Variants in NCAM2 observed in about 807,000 individuals in gnomAD.
NCAM2 encodes N-CAM-2.
A neutral mutation model predicts 98.1 loss-of-function variants in NCAM2; 30 were observed. The observed-to-expected ratio is 0.31, with a 90% CI of 0.23 to 0.41. NCAM2 has a LOEUF of 0.41. NCAM2 is among the 10% of genes least tolerant of loss of function. NCAM2 has a pLI of 1.00. For missense variants in NCAM2, 867 were observed against 1,005.8 expected (o/e 0.86, Z 1.87); for synonymous variants, 368 against 342.4 (o/e 1.07, Z -0.83).
chr21:21,346,986 C>A (rs1288635643), intron 8 of NCAM2, among the ~76,000 whole-genome samples: 1 of 151,316 alleles, frequency 6.6e-6, no homozygotes, highest in Non-Finnish European at 1.5e-5. Flanking sequence ...CAAGAGCAAA[C>A]CAAACACAAA....
chr21:21,057,116 G>A (rs929793676), intron 1 of NCAM2, among the ~76,000 whole-genome samples: 5 of 151,882 alleles, frequency 3.3e-5, no homozygotes, highest in Non-Finnish European at 7.4e-5. Context: ...AAAGACCTAG[G>A]GTGTCTAAAA....
intron 9 of NCAM2, among the ~76,000 whole-genome samples, chr21:21,409,262 T>C (rs1011641595): frequency 6.6e-5 from 10 of 152,154 alleles, no homozygotes; most frequent in Admixed American, 5.9e-4. Context: ...TTGTATGTTT[T>C]CACATTTAGA....
chr21:21,148,852 G>A (rs2067365324), intron 1 of NCAM2, among the ~76,000 whole-genome samples: 1 of 152,092 alleles, frequency 6.6e-6, no homozygotes, highest in Admixed American at 6.5e-5. Context: ...TAGAAATAGT[G>A]TCAGTCTAAA....
intron 1 of NCAM2, among the ~76,000 whole-genome samples, chr21:21,212,192 TACAAA>T: frequency 6.6e-6 from 1 of 152,270 alleles, no homozygotes; most frequent in East Asian, 1.9e-4. Context: ...AAATAAATTG[TACAAA>T]ATACATATCA....
chr21:21,046,228 T>A (rs977083844), intron 1 of NCAM2, among the ~76,000 whole-genome samples: 5 of 152,216 alleles, frequency 3.3e-5, no homozygotes, highest in African/African-American at 1.2e-4. Flanking sequence ...GTGAACTTGT[T>A]GGCAGCAAGG....
At chr21:21,425,040 CAAAAAAA>C (rs1192128472) in intron 11 of NCAM2, among the ~76,000 whole-genome samples, 63 of 43,842 alleles carry the variant, frequency 1.4e-3, no homozygotes, top group South Asian at 0.011. Context: ...CTTCCTCCTC[CAAAAAAA>C]AAAAAAAAAA....
intron 1 of NCAM2, among the ~76,000 whole-genome samples, chr21:21,127,915 C>A (rs985755412): frequency 2.0e-5 from 3 of 152,202 alleles, no homozygotes; most frequent in Admixed American, 2.0e-4. Flanking sequence ...AAATAACACA[C>A]AATTATATTA....
chr21:21,309,271 T>G (rs2073972535), intron 5 of NCAM2, among the ~76,000 whole-genome samples: 1 of 152,176 alleles, frequency 6.6e-6, no homozygotes, highest in African/African-American at 2.4e-5. Flanking sequence ...TTATCTGCTG[T>G]TTTTTTGTTT....
intron 2 of NCAM2, 147 bp from the exon 3 acceptor site, chr21:21,284,046 CT>C (rs1177766579): frequency 9.3e-5 from 60 of 643,390 alleles, no homozygotes; most frequent in African/African-American, 8.6e-4. Flanking sequence ...TTTGTGTTTA[CT>C]TTAAGTTTTG....
chr21:21,102,206 C>G (rs2066257156), intron 1 of NCAM2, among the ~76,000 whole-genome samples: 1 of 151,958 alleles, frequency 6.6e-6, no homozygotes, highest in African/African-American at 2.4e-5. Context: ...GCGTCATAGC[C>G]TCAACAAACC....
chr21:21,082,732 T>G lies in NCAM2; in HGVS notation c.55+84114T>G, dbSNP rs1324396488. Reference sequence around the variant, plus strand: ...TATGTTCATCTTTATGTCATGTGTTTTTATGTATTAGAACTGCCGTTTTCT... The same window carrying G: ...TATGTTCATCTTTATGTCATGTGTTGTTATGTATTAGAACTGCCGTTTTCT... On this transcript the variant is annotated intron_variant, in intron 1 of 17. Transcript: ENST00000400546. Among the ~76,000 whole-genome samples, 3 of 152,204 alleles carry G rather than the reference T, an allele frequency of 2.0e-5. No homozygotes were observed. The East Asian group carries it at 5.8e-4, about 29-fold the overall frequency.
intron 1 of NCAM2, among the ~76,000 whole-genome samples, chr21:21,220,125 TA>T (rs1055177425): frequency 2.6e-5 from 4 of 151,958 alleles, no homozygotes; most frequent in African/African-American, 9.7e-5. Context: ...CAATTAAAAA[TA>T]AAAATATTTT....
rs141532636 is a variant in NCAM2 at position 21,152,718 on chromosome 21, G to C, written c.56-127860G>C. The stretch of plus-strand genomic sequence containing the variant: ...ACTGTACTCTGCCTTAATGGAACTT[G>C]GAAATCTCTCAGCAACCTGAGTTCT... On this transcript the variant is annotated intron_variant, in intron 1 of 17. Transcript: ENST00000400546. Among the ~76,000 whole-genome samples the C allele has an allele frequency of 2.5e-3, 387 of 151,946 alleles. 1 individual carries two copies. The highest frequency in any genetic ancestry group is 8.9e-3 in the African/African-American group (371 of 41,500).
intron 8 of NCAM2, among the ~76,000 whole-genome samples, chr21:21,364,216 T>C (rs2148007673): frequency 6.6e-6 from 1 of 152,152 alleles, no homozygotes; most frequent in African/African-American, 2.4e-5. Context: ...TTTTGATGTT[T>C]CTTTCATGTT....
chr21:21,000,493 T>G (rs1261778676), intron 1 of NCAM2, among the ~76,000 whole-genome samples: 1 of 152,066 alleles, frequency 6.6e-6, no homozygotes, highest in Non-Finnish European at 1.5e-5. Context: ...GACATAAAAT[T>G]TGGATGTGTA....
chr21:21,083,800 T>C (rs1457287124), intron 1 of NCAM2, among the ~76,000 whole-genome samples: 1 of 152,196 alleles, frequency 6.6e-6, no homozygotes, highest in Non-Finnish European at 1.5e-5. Flanking sequence ...TTTTATATAC[T>C]TTGCCCAGTT....
chr21:21,010,241 T>C (rs1416935902), intron 1 of NCAM2, among the ~76,000 whole-genome samples: 1 of 152,062 alleles, frequency 6.6e-6, no homozygotes, highest in Non-Finnish European at 1.5e-5. Context: ...GCTATGTTAA[T>C]GCATTTTACC....
intron 14 of NCAM2, among the ~76,000 whole-genome samples, chr21:21,473,378 A>G (rs1411258889): frequency 7.0e-6 from 1 of 143,688 alleles, no homozygotes; most frequent in East Asian, 1.9e-4. Context: ...GTATAAATAT[A>G]TATATATATA....
intron 1 of NCAM2, among the ~76,000 whole-genome samples, chr21:21,270,693 C>T (rs1186227374): frequency 6.6e-6 from 1 of 152,092 alleles, no homozygotes; most frequent in Admixed American, 6.6e-5. Context: ...TTCAAAGTAG[C>T]GTAAGCCTCC....
Sources: allele counts gnomAD v4.1 joint callset (sites outside exome capture counted in the v4.1 genomes callset), GRCh38; gene constraint gnomAD v4.1.1; transcripts MANE v1.5; gene names NCBI Gene and HGNC (gene_info 2026-07-23, HGNC 2026-07-21).